KAT14: variants seen among roughly 807,000 people sequenced by gnomAD.
The protein encoded by KAT14 is lysine acetyltransferase 14, also known as cysteine-rich protein 2-binding protein.
KAT14 carries 66 observed loss-of-function variants against 78.4 expected under a neutral mutation model. That is an observed-to-expected ratio of 0.84 (90% CI 0.69 to 1.03). The LOEUF (loss-of-function observed/expected upper bound fraction) is 1.03. Ranked by LOEUF, KAT14 falls within the 50% of genes least tolerant of loss-of-function variation. The pLI, the probability that KAT14 is intolerant of heterozygous loss-of-function variation, is 0.00. For missense variants in KAT14, 870 were observed against 972.5 expected, an observed-to-expected ratio of 0.89 and a Z score of 1.40; for synonymous variants, 344 against 359.4, an observed-to-expected ratio of 0.96 and a Z score of 0.48.
rs535980968 is a variant in KAT14, at chr20:18,143,752, C to T, written c.259+833C>T. Reference sequence around the variant, plus strand: ...AAGTGATTCTCCTGCCTCGGCCTCCCGAGTAGCTGGGATTACAGGCATGCG... The same window carrying T: ...AAGTGATTCTCCTGCCTCGGCCTCCTGAGTAGCTGGGATTACAGGCATGCG... On this transcript the variant is annotated intron_variant, in intron 2 of 10. Transcript: ENST00000688188. Among the ~76,000 whole-genome samples the T allele has an allele frequency of 3.3e-5, 5 of 152,146 alleles. No homozygotes were observed. The South Asian group carries it at 6.2e-4, about 19-fold the overall frequency.
At chr20:18,168,355 C>T (rs2146462549) in intron 7 of KAT14, among the ~76,000 whole-genome samples, 1 of 152,136 alleles carries the variant, frequency 6.6e-6, no homozygotes, top group East Asian at 1.9e-4. Flanking sequence ...TGGTGAAACC[C>T]CGTCTCTACT....
intron 7 of KAT14, among the ~76,000 whole-genome samples, chr20:18,163,763 G>T (rs895323925): frequency 6.6e-6 from 1 of 152,078 alleles, no homozygotes; most frequent in African/African-American, 2.4e-5. Context: ...GTCTTTCCTT[G>T]TGCTGGACAT....
chr20:18,172,795 A>AT (rs2038893678), intron 7 of KAT14, among the ~76,000 whole-genome samples: 1 of 152,028 alleles, frequency 6.6e-6, no homozygotes, highest in African/African-American at 2.4e-5. Flanking sequence ...ATACCTTGTA[A>AT]TTTTTTGTTG....
At chr20:18,183,574 G>A (rs2039345442) in intron 9 of KAT14, 1 of 977,000 alleles carries the variant, frequency 1.0e-6, no homozygotes. Flanking sequence ...CATATGTTTA[G>A]ATACCAGGTA....
intron 3 of KAT14, among the ~76,000 whole-genome samples, chr20:18,146,467 C>T (rs1461616584): frequency 3.9e-5 from 6 of 151,996 alleles, no homozygotes; most frequent in Admixed American, 3.9e-4. Flanking sequence ...CGAGACCAGC[C>T]TGACCAACAT....
At chr20:18,163,007 C>A in intron 7 of KAT14, 62 bp downstream of exon 7, 1 of 1,559,494 alleles carries the variant, frequency 6.4e-7, no homozygotes, top group South Asian at 1.2e-5. Context: ...GCAGGCAGCA[C>A]TAGGCATTGG....
At position 18,187,526 on chromosome 20, in the gene KAT14, CAGTGATTGAT is replaced by C. The variant is rs2039488356; in HGVS notation, c.*68_*77del. 1 of 1,593,944 alleles carries C rather than the reference CAGTGATTGAT, an allele frequency of 6.3e-7. No individual in the cohort carries two copies. The highest frequency in any genetic ancestry group is 8.5e-7 in the Non-Finnish European group (1 of 1,173,826). On this transcript the variant is annotated 3_prime_UTR_variant, in exon 11 of 11. Transcript: ENST00000688188. ...ACAGGTCTTTGTGGAGATCTAAAGGCAGTGATTGATTTCACAGGGAGCTCTAATCTCTGTG... is the reference window on the plus strand; with the variant it reads ...ACAGGTCTTTGTGGAGATCTAAAGGCTTCACAGGGAGCTCTAATCTCTGTG...
intron 4 of KAT14, among the ~76,000 whole-genome samples, chr20:18,151,277 A>G (rs963067605): frequency 6.6e-6 from 1 of 151,844 alleles, no homozygotes; most frequent in African/African-American, 2.4e-5. Flanking sequence ...GCACACTGCA[A>G]CCGCCACCTC....
intron 5 of KAT14, among the ~76,000 whole-genome samples, chr20:18,160,358 C>A (rs2038374998): frequency 6.6e-6 from 1 of 152,172 alleles, no homozygotes; most frequent in Non-Finnish European, 1.5e-5. Context: ...AAGATCTCTG[C>A]AGATTTAAGC....
chr20:18,142,304 C>G lies in KAT14; in HGVS notation c.-357C>G. 5 of 1,536,926 alleles carry G rather than the reference C, an allele frequency of 3.3e-6. No individual in the cohort carries two copies. Among genetic ancestry groups the G allele is most frequent in the Non-Finnish European group, 3.5e-6 (4 of 1,146,836 alleles). Reference sequence around the variant, plus strand: ...AGAACAGATTATTTTGACTGAGCAACTTGAAGCAGAAAGAGAGAAGATGTT... The same window carrying G: ...AGAACAGATTATTTTGACTGAGCAAGTTGAAGCAGAAAGAGAGAAGATGTT... On this transcript the variant is annotated 5_prime_UTR_variant, in exon 2 of 11. Transcript: ENST00000688188.
chr20:18,146,309 C>T (rs1021511020), intron 3 of KAT14, among the ~76,000 whole-genome samples: 3 of 151,746 alleles, frequency 2.0e-5, no homozygotes, highest in Non-Finnish European at 2.9e-5. Flanking sequence ...GAGGCGGAGG[C>T]GGCCAGATCA....
chr20:18,164,877 C>T lies in KAT14; in HGVS notation c.1668+1932C>T, dbSNP rs191221401. On this transcript the variant is annotated intron_variant, in intron 7 of 10. Coordinates refer to ENST00000688188, the MANE Select transcript of KAT14 (RefSeq NM_001392073.1). ...CCTGGGCTCGAGTGATCGCCTCAGC[C>T]TCCCAAAGTGCTGGGATTACAGGCA... is the stretch of plus-strand genomic sequence containing the variant. Among the ~76,000 whole-genome samples, 5 of 152,206 alleles carry T rather than the reference C, an allele frequency of 3.3e-5. No homozygotes were observed. In the East Asian group the frequency reaches 7.7e-4, roughly 23 times the overall value.
chr20:18,147,346 T>G (rs1403024443), intron 3 of KAT14, among the ~76,000 whole-genome samples: 1 of 152,246 alleles, frequency 6.6e-6, no homozygotes, highest in Admixed American at 6.5e-5. Context: ...GGATACTGTG[T>G]GTAGGCAAGA....
chr20:18,163,719 T>A (rs945383595), intron 7 of KAT14, among the ~76,000 whole-genome samples: 9 of 152,202 alleles, frequency 5.9e-5, no homozygotes, highest in African/African-American at 2.2e-4. Context: ...GGTGTTCTGG[T>A]ATTATTCAGT....
chr20:18,183,480 C>A, intron 9 of KAT14, 182 bp downstream of exon 9: 1 of 978,396 alleles, frequency 1.0e-6, no homozygotes, highest in Non-Finnish European at 1.2e-6. Flanking sequence ...TAGAAGAAGC[C>A]AGCAATAAAC....
intron 1 of KAT14, 113 bp downstream of exon 1, chr20:18,138,164 G>A: frequency 7.5e-7 from 1 of 1,337,980 alleles, no homozygotes; most frequent in Non-Finnish European, 9.5e-7. Flanking sequence ...TTTCCCCCGC[G>A]GTGGCGCGGC....
At chr20:18,174,407 G>T (rs2038961158) in intron 7 of KAT14, among the ~76,000 whole-genome samples, 1 of 152,040 alleles carries the variant, frequency 6.6e-6, no homozygotes, top group Non-Finnish European at 1.5e-5. Context: ...TTCCAAAGTG[G>T]CTGTGCCGTT....
chr20:18,137,541 G>A (rs1404056592), upstream of KAT14, among the ~76,000 whole-genome samples: 1 of 152,228 alleles, frequency 6.6e-6, no homozygotes, highest in Non-Finnish European at 1.5e-5. Context: ...GATCAGTCAG[G>A]GGCTCAGAAG....
At chr20:18,164,291 TG>T in intron 7 of KAT14, among the ~76,000 whole-genome samples, 1 of 152,322 alleles carries the variant, frequency 6.6e-6, no homozygotes, top group East Asian at 1.9e-4. Flanking sequence ...CTCCCACCCT[TG>T]GCTTCCTGTG....
Sources: gnomAD v4.1 joint callset for allele counts (sites outside exome capture counted in the v4.1 genomes callset) on GRCh38, gnomAD v4.1.1 for gene constraint, MANE v1.5 for transcripts, NCBI Gene and HGNC (gene_info 2026-07-23, HGNC 2026-07-21) for gene names.